The following KIAA1549L variants were observed in gnomAD, a reference collection of about 807,000 sequenced individuals.
The protein encoded by KIAA1549L is KIAA1549 like.
A neutral mutation model predicts 160.7 loss-of-function variants in KIAA1549L; 88 were observed. The observed-to-expected ratio is 0.55, with a 90% CI of 0.46 to 0.65. The LOEUF is 0.65. Among genes scored for constraint, KIAA1549L ranks in the 30% least tolerant of loss-of-function variants. The pLI is 0.00. For missense variants in KIAA1549L, 2,258 were observed against 2,437.5 expected (o/e 0.93, Z 1.55); for synonymous variants, 950 against 976.7 (o/e 0.97, Z 0.51).
chr11:33,636,388 A>C (rs1037961591), intron 16 of KIAA1549L, among the ~76,000 whole-genome samples: 2 of 142,598 alleles, frequency 1.4e-5, no homozygotes, highest in Non-Finnish European at 3.0e-5. Context: ...TCGCTGTGTC[A>C]CCCAGGCTGG....
At chr11:33,536,437 T>C (rs1003218109) in intron 1 of KIAA1549L, among the ~76,000 whole-genome samples, 1 of 152,166 alleles carries the variant, frequency 6.6e-6, no homozygotes, top group Non-Finnish European at 1.5e-5. Flanking sequence ...GGACTGTGGA[T>C]TGGAGTGGTC....
chr11:33,508,985 C>T (rs948752545), intron 1 of KIAA1549L, among the ~76,000 whole-genome samples: 17 of 152,216 alleles, frequency 1.1e-4, no homozygotes, highest in African/African-American at 3.9e-4. Context: ...GAGTTCAACT[C>T]TCAAATGACA....
At chr11:33,623,877 T>A (rs2133360176) in intron 16 of KIAA1549L, among the ~76,000 whole-genome samples, 1 of 152,264 alleles carries the variant, frequency 6.6e-6, no homozygotes, top group East Asian at 1.9e-4. Flanking sequence ...AGCACTCAAG[T>A]GCTATCTGCC....
chr11:33,419,901 CATACATAT>C (rs1483610433), intron 1 of KIAA1549L, among the ~76,000 whole-genome samples: 186 of 129,658 alleles, frequency 1.4e-3, no homozygotes, highest in African/African-American at 6.8e-3. Context: ...TACATACATA[CATACATAT>C]ATATATATGA....
intron 16 of KIAA1549L, among the ~76,000 whole-genome samples, chr11:33,632,292 G>C (rs1851317241): frequency 6.6e-6 from 1 of 152,176 alleles, no homozygotes; most frequent in South Asian, 2.1e-4. Flanking sequence ...ATCCTGTATG[G>C]ACCAGTGCAA....
chr11:33,393,736 A>C (rs985300265), intron 1 of KIAA1549L, among the ~76,000 whole-genome samples: 11 of 152,238 alleles, frequency 7.2e-5, no homozygotes, highest in Non-Finnish European at 1.5e-4. Context: ...AGGTGGGATA[A>C]GTGTGGAGTC....
intron 1 of KIAA1549L, among the ~76,000 whole-genome samples, chr11:33,520,732 C>T (rs1268261996): frequency 2.7e-5 from 4 of 147,882 alleles, no homozygotes; most frequent in African/African-American, 1.0e-4. Flanking sequence ...CACACACACA[C>T]ACACACACTC....
chr11:33,636,198 G>C (rs1851432356), intron 16 of KIAA1549L, among the ~76,000 whole-genome samples: 1 of 152,098 alleles, frequency 6.6e-6, no homozygotes, highest in South Asian at 2.1e-4. Context: ...CTTAATGGTG[G>C]CTCCAAAGGG....
intron 1 of KIAA1549L, among the ~76,000 whole-genome samples, chr11:33,520,739 A>ACACACC (rs1853468906): frequency 2.8e-5 from 2 of 72,654 alleles, no homozygotes; most frequent in East Asian, 3.9e-4. Flanking sequence ...ACACACACAC[A>ACACACC]CTCCCTCTCT....
At chr11:33,612,064 C>G (rs555462036) in intron 15 of KIAA1549L, among the ~76,000 whole-genome samples, 6 of 152,176 alleles carry the variant, frequency 3.9e-5, no homozygotes, top group Admixed American at 3.3e-4. Context: ...GCACCAAAAA[C>G]AACTTTTAAA....
chr11:33,564,125 T>C (rs971683418), intron 8 of KIAA1549L, among the ~76,000 whole-genome samples: 2 of 152,224 alleles, frequency 1.3e-5, no homozygotes, highest in African/African-American at 4.8e-5. Context: ...TGGTTAGTGC[T>C]TGGGAAGGGC....
intron 17 of KIAA1549L, among the ~76,000 whole-genome samples, chr11:33,650,532 G>A (rs1851854154): frequency 6.6e-6 from 1 of 152,150 alleles, no homozygotes; most frequent in African/African-American, 2.4e-5. Context: ...GTCCCTGTTT[G>A]TCCTCATCTC....
In KIAA1549L at chr11:33,544,118, C is replaced by T. The variant is rs1199893842; in HGVS notation, c.2555C>T (p.Thr852Ile). 2 of 1,614,030 alleles carry T rather than the reference C, an allele frequency of 1.2e-6. No individual in the cohort carries two copies. Among genetic ancestry groups the T allele is most frequent in the South Asian group, 1.1e-5 (1 of 91,086 alleles). The change falls in exon 2 of 21, where the codon ACT (threonine) becomes ATT (isoleucine). Residue 852 changes from threonine (T) to isoleucine (I), a missense_variant. Thr to Ile is a moderately conservative substitution (Grantham distance 89). Coordinates refer to ENST00000658780, the MANE Select transcript of KIAA1549L (RefSeq NM_012194.3). The part of the protein sequence containing the change: ...HPLLLTSPGP[T>I]STGSLQEMLS... ...CTTTTGCTAACCTCACCAGGACCAA[C>T]TTCTACAGGTAGCTTGCAGGAAATG... is the stretch of plus-strand genomic sequence containing the variant.
chr11:33,603,285 T>C (rs1056918833), intron 13 of KIAA1549L, among the ~76,000 whole-genome samples: 1 of 151,478 alleles, frequency 6.6e-6, no homozygotes, highest in South Asian at 2.1e-4. Flanking sequence ...GGGGTGAGGG[T>C]ACACTGTAAA....
intron 1 of KIAA1549L, among the ~76,000 whole-genome samples, chr11:33,424,001 C>T (rs1247945264): frequency 6.6e-6 from 1 of 151,676 alleles, no homozygotes; most frequent in African/African-American, 2.4e-5. Context: ...TGCATTCCAG[C>T]CTTGGTGACA....
chr11:33,539,386 A>G (rs555706916), intron 1 of KIAA1549L, among the ~76,000 whole-genome samples: 1 of 152,322 alleles, frequency 6.6e-6, no homozygotes, highest in African/African-American at 2.4e-5. Flanking sequence ...TAAATTCCAA[A>G]TCTACTCTGG....
chr11:33,420,243 T>TTGTTTGTTTGTTTGTTTGTTTGTTTG (rs1850982773), intron 1 of KIAA1549L, among the ~76,000 whole-genome samples: 1 of 133,228 alleles, frequency 7.5e-6, no homozygotes, highest in East Asian at 2.2e-4. Context: ...TTGTTTTTTT[T>TTGTTTGTTTGTTTGTTTGTTTGTTTG]TTTTTTTTGA....
rs546746534 is a variant in KIAA1549L, at chr11:33,426,531, G to A, written c.238+49642G>A. On this transcript the variant is annotated intron_variant, in intron 1 of 20. Coordinates refer to ENST00000658780, the MANE Select transcript of KIAA1549L (RefSeq NM_012194.3). ...TGCACAGGTGGTTGAGTACCTGGAG[G>A]TGATAGTATTTTGGCTGTATCATCT... Among the ~76,000 whole-genome samples the A allele has an allele frequency of 1.5e-4, 23 of 152,250 alleles. No homozygotes were observed. The South Asian group carries it at 4.4e-3, about 29-fold the overall frequency.
chr11:33,552,286 C>G (rs374800913), intron 6 of KIAA1549L, 45 bp downstream of exon 6: 1 of 1,570,146 alleles, frequency 6.4e-7, no homozygotes, highest in Non-Finnish European at 8.6e-7. Flanking sequence ...CAGACAACCA[C>G]AATGCAGAGT....
Sources: allele counts gnomAD v4.1 joint callset (sites outside exome capture counted in the v4.1 genomes callset), GRCh38; gene constraint gnomAD v4.1.1; transcripts MANE v1.5; gene names NCBI Gene and HGNC (gene_info 2026-07-23, HGNC 2026-07-21).